ZNF407: variants seen among roughly 807,000 people sequenced by gnomAD.
ZNF407 encodes the protein zinc finger protein 407.
In ZNF407, 17 loss-of-function variants were observed where a neutral mutation model predicts 131.2. The observed-to-expected ratio is 0.13, with a 90% CI of 0.09 to 0.19. The LOEUF is 0.19. ZNF407 is among the 10% of genes least tolerant of loss of function. The pLI is 1.00. For synonymous variants in ZNF407, 1,156 were observed against 1,062.0 expected (o/e 1.09, Z -1.72); for missense variants, 2,681 against 2,830.6 (o/e 0.95, Z 1.20).
At position 75,038,989 on chromosome 18, in the gene ZNF407, G is replaced by A. The variant is rs141595976; in HGVS notation, c.5429-24161G>A. Reference sequence around the variant, plus strand: ...AACTGTTCCTAATAGCCAGCTAGACGGATCTGAATATGAAGATTTCTATAA... The same window carrying A: ...AACTGTTCCTAATAGCCAGCTAGACAGATCTGAATATGAAGATTTCTATAA... On this transcript the variant is annotated intron_variant, in intron 8 of 8. Transcript: ENST00000299687. 1.4e-3 allele frequency among the ~76,000 whole-genome samples: 208 copies of A among 152,274 alleles called. 1 individual carries two copies. The highest frequency in any genetic ancestry group is 4.7e-3 in the African/African-American group (195 of 41,550).
At chr18:74,995,700 C>G (rs1972772770) in intron 8 of ZNF407, among the ~76,000 whole-genome samples, 1 of 152,140 alleles carries the variant, frequency 6.6e-6, no homozygotes, top group Non-Finnish European at 1.5e-5. Flanking sequence ...GGTGACAATG[C>G]TGGGCCCTTC....
intron 7 of ZNF407, among the ~76,000 whole-genome samples, chr18:74,891,572 T>C (rs1383174673): frequency 6.6e-6 from 1 of 152,358 alleles, no homozygotes; most frequent in South Asian, 2.1e-4. Flanking sequence ...TTCATTCATT[T>C]AACATTTTAT....
chr18:74,771,834 T>G (rs1969368479), intron 3 of ZNF407, among the ~76,000 whole-genome samples: 1 of 152,108 alleles, frequency 6.6e-6, no homozygotes, highest in Non-Finnish European at 1.5e-5. Context: ...TTTAAAAATA[T>G]TGTGTATACT....
intron 3 of ZNF407, among the ~76,000 whole-genome samples, chr18:74,681,389 G>C (rs747560794): frequency 6.6e-6 from 1 of 152,030 alleles, no homozygotes; most frequent in Non-Finnish European, 1.5e-5. Flanking sequence ...GATTACCAGT[G>C]CCTGCCACAC....
chr18:74,759,990 A>G (rs1232765701), intron 3 of ZNF407, among the ~76,000 whole-genome samples: 1 of 151,396 alleles, frequency 6.6e-6, no homozygotes, highest in African/African-American at 2.4e-5. Flanking sequence ...ATAAATATAT[A>G]TATATATGTA....
intron 3 of ZNF407, among the ~76,000 whole-genome samples, chr18:74,667,270 A>G (rs1406999565): frequency 6.6e-6 from 1 of 152,146 alleles, no homozygotes; most frequent in African/African-American, 2.4e-5. Context: ...TGCTTTTGCC[A>G]TTGCCGATCT....
At chr18:74,861,860 A>T (rs550576607) in intron 4 of ZNF407, among the ~76,000 whole-genome samples, 1 of 152,328 alleles carries the variant, frequency 6.6e-6, no homozygotes, top group South Asian at 2.1e-4. Context: ...ATATTTAACT[A>T]TGAATCTGTA....
chr18:74,599,200 C>T lies in ZNF407; in HGVS notation c.-54+1263C>T, dbSNP rs183392276. The stretch of plus-strand genomic sequence containing the variant: ...TATTCCCTTTTTACAAACTGAGACT[C>T]ACTTTGCTATATACAAAATTACTGC... On this transcript the variant is annotated intron_variant, in intron 1 of 8. Coordinates refer to ENST00000299687, the MANE Select transcript of ZNF407 (RefSeq NM_017757.3). 1.1e-3 allele frequency among the ~76,000 whole-genome samples: 163 copies of T among 152,310 alleles called. 1 individual carries two copies. The highest frequency in any genetic ancestry group is 3.7e-3 in the African/African-American group (154 of 41,566).
chr18:75,059,130 AG>A (rs1973595852), intron 8 of ZNF407, among the ~76,000 whole-genome samples: 1 of 152,208 alleles, frequency 6.6e-6, no homozygotes, highest in African/African-American at 2.4e-5. Context: ...TTACCCATTT[AG>A]TTTACATTAA....
intron 8 of ZNF407, among the ~76,000 whole-genome samples, chr18:74,976,655 T>C (rs1330470016): frequency 6.6e-6 from 1 of 152,216 alleles, no homozygotes; most frequent in Non-Finnish European, 1.5e-5. Flanking sequence ...GTCTGCCGAG[T>C]ATGAAATCTG....
chr18:75,020,735 T>G (rs996733209), intron 8 of ZNF407, among the ~76,000 whole-genome samples: 12 of 152,188 alleles, frequency 7.9e-5, no homozygotes, highest in Admixed American at 2.6e-4. Flanking sequence ...TTAAAAAAAT[T>G]TATTCCTGTA....
At chr18:74,832,435 T>C (rs1396598212) in intron 4 of ZNF407, among the ~76,000 whole-genome samples, 1 of 152,108 alleles carries the variant, frequency 6.6e-6, no homozygotes, top group Admixed American at 6.5e-5. Flanking sequence ...AATATGATTT[T>C]TATTTAAGTT....
Position 75,064,775 on chromosome 18 carries a change from G to A in ZNF407, c.*307G>A. The A allele has an allele frequency of 3.4e-6, 1 of 296,402 alleles. No homozygotes were observed. The highest frequency in any genetic ancestry group is 5.7e-5 in the East Asian group (1 of 17,652). 18.4% of individuals were successfully genotyped at this position (296,402 alleles called of 1,614,324 possible). ...GGCCTCCCGCTTCGTCCTGGCCGCTGTGCTGAAGAGAAGCCAAGTGTTGTT... is the reference window on the plus strand; with the variant it reads ...GGCCTCCCGCTTCGTCCTGGCCGCTATGCTGAAGAGAAGCCAAGTGTTGTT... On this transcript the variant is annotated 3_prime_UTR_variant, in exon 9 of 9. Coordinates refer to ENST00000299687, the MANE Select transcript of ZNF407 (RefSeq NM_017757.3).
At chr18:74,598,931 T>A (rs930862260) in intron 1 of ZNF407, among the ~76,000 whole-genome samples, 6 of 152,256 alleles carry the variant, frequency 3.9e-5, no homozygotes, top group African/African-American at 1.4e-4. Context: ...TGGACACACA[T>A]GTAGAATACT....
At chr18:74,670,220 T>A (rs1986089057) in intron 3 of ZNF407, among the ~76,000 whole-genome samples, 1 of 152,252 alleles carries the variant, frequency 6.6e-6, no homozygotes, top group African/African-American at 2.4e-5. Context: ...TCTAGGATTC[T>A]GTGTTTTTAT....
chr18:74,882,182 G>A (rs770972599), intron 6 of ZNF407, among the ~76,000 whole-genome samples: 9 of 152,188 alleles, frequency 5.9e-5, no homozygotes, highest in Non-Finnish European at 5.9e-5. Context: ...TTATCAAATT[G>A]TATTGCCTAC....
intron 3 of ZNF407, among the ~76,000 whole-genome samples, chr18:74,769,487 C>T (rs1476181005): frequency 6.6e-6 from 1 of 152,160 alleles, no homozygotes; most frequent in East Asian, 1.9e-4. Flanking sequence ...GATAACCATT[C>T]ATAAACATGT....
chr18:75,039,927 G>T (rs564449096), intron 8 of ZNF407, among the ~76,000 whole-genome samples: 32 of 151,950 alleles, frequency 2.1e-4, no homozygotes, highest in Admixed American at 1.4e-3. Context: ...TTCAAGCTAT[G>T]GAAATGAGTT....
chr18:75,032,070 A>G (rs960232316), intron 8 of ZNF407, among the ~76,000 whole-genome samples: 1 of 152,206 alleles, frequency 6.6e-6, no homozygotes, highest in Non-Finnish European at 1.5e-5. Flanking sequence ...CCAGAATAGA[A>G]GTAGAGACCA....
Sources: allele counts gnomAD v4.1 joint callset (sites outside exome capture counted in the v4.1 genomes callset), GRCh38; gene constraint gnomAD v4.1.1; transcripts MANE v1.5; gene names NCBI Gene and HGNC (gene_info 2026-07-23, HGNC 2026-07-21).